Variants in KIAA0319 observed in about 807,000 individuals in gnomAD.
KIAA0319 encodes dyslexia-associated protein KIAA0319.
A neutral mutation model predicts 108.4 loss-of-function variants in KIAA0319; 83 were observed. The observed-to-expected ratio is 0.77, with a 90% CI of 0.64 to 0.92. The LOEUF is 0.92. Among genes scored for constraint, KIAA0319 ranks in the 40% least tolerant of loss-of-function variants. The probability of loss-of-function intolerance (pLI) is 0.00; values close to 1 mark genes in which losing one functional copy is unlikely to be tolerated. For synonymous variants in KIAA0319, 484 were observed against 510.4 expected (o/e 0.95, Z 0.70); for missense variants, 1,195 against 1,322.4 (o/e 0.90, Z 1.49).
chr6:24,564,094 G>C, intron 15 of KIAA0319, 108 bp downstream of exon 15: 1 of 1,400,910 alleles, frequency 7.1e-7, no homozygotes, highest in Non-Finnish European at 9.8e-7. Flanking sequence ...CCAAGAGCTG[G>C]AGCCAGCCAC....
chr6:24,577,929 A>C (rs1404534445), intron 9 of KIAA0319, among the ~76,000 whole-genome samples, 181 bp downstream of exon 9: 1 of 152,220 alleles, frequency 6.6e-6, no homozygotes, highest in East Asian at 1.9e-4. Flanking sequence ...CCAATAAATA[A>C]ATAAAGTTCC....
intron 1 of KIAA0319, among the ~76,000 whole-genome samples, chr6:24,606,419 G>A (rs529454457): frequency 4.6e-5 from 7 of 152,240 alleles, no homozygotes; most frequent in Admixed American, 2.0e-4. Flanking sequence ...GGTAAGGCTC[G>A]GGACTGGTGT....
chr6:24,588,312 G>C (rs952145544), intron 4 of KIAA0319, among the ~76,000 whole-genome samples: 4 of 152,134 alleles, frequency 2.6e-5, no homozygotes, highest in Non-Finnish European at 5.9e-5. Context: ...AGTGGATCAG[G>C]GTGCCCCTCT....
intron 5 of KIAA0319, chr6:24,583,206 G>C: frequency 5.1e-6 from 5 of 989,176 alleles, no homozygotes; most frequent in Non-Finnish European, 6.0e-6. Context: ...TGAGAGCCGT[G>C]ATTGTCAATG....
In KIAA0319 at chr6:24,596,093, G is replaced by A; in HGVS notation, c.581C>T (p.Ala194Val). 1 of 1,614,038 alleles carries A rather than the reference G, an allele frequency of 6.2e-7. No homozygotes were observed. The change falls in exon 3 of 21, where the codon GCC becomes GTC. Residue 194 changes from alanine to valine, a missense_variant. By Grantham distance (64) the Ala-to-Val change is moderately conservative. Transcript: ENST00000378214. Reference protein sequence around the residue: ...DWGLLPGSEGAFNSSVGDSPA... With the variant: ...DWGLLPGSEGVFNSSVGDSPA... Reference sequence around the variant, plus strand: ...ACTGTCTCCAACAGAGGAGTTGAAGGCCCCCTCGCTGCCCGGCAGTAGGCC... The same window carrying A: ...ACTGTCTCCAACAGAGGAGTTGAAGACCCCCTCGCTGCCCGGCAGTAGGCC...
At chr6:24,631,761 C>T (rs1372649094) in intron 1 of KIAA0319, among the ~76,000 whole-genome samples, 2 of 152,220 alleles carry the variant, frequency 1.3e-5, no homozygotes, top group East Asian at 1.9e-4. Context: ...TAAGTAGGTG[C>T]TTTGCCTTGT....
chr6:24,596,671 C>A (rs751973454), intron 2 of KIAA0319, 53 bp from the exon 3 acceptor site: 5 of 1,510,360 alleles, frequency 3.3e-6, no homozygotes, highest in Non-Finnish European at 4.4e-6. Context: ...CAGGGAAGCA[C>A]CTCCAGCTTA....
intron 3 of KIAA0319, among the ~76,000 whole-genome samples, chr6:24,592,952 A>G (rs1768747022): frequency 6.6e-6 from 1 of 152,056 alleles, no homozygotes; most frequent in Non-Finnish European, 1.5e-5. Flanking sequence ...AGCCTCGGTG[A>G]CAAAGTGAGA....
chr6:24,627,651 C>T (rs1000395584), intron 1 of KIAA0319, among the ~76,000 whole-genome samples: 1 of 152,160 alleles, frequency 6.6e-6, no homozygotes, highest in Admixed American at 6.5e-5. Context: ...GAAATGAACA[C>T]GATGTGTAGC....
intron 18 of KIAA0319, 39 bp from the exon 19 acceptor site, chr6:24,554,670 C>A: frequency 7.2e-7 from 1 of 1,381,876 alleles, no homozygotes; most frequent in Non-Finnish European, 1.0e-6. Context: ...TAGTTACAGG[C>A]TATTTGTAGA....
downstream of KIAA0319, among the ~76,000 whole-genome samples, chr6:24,541,711 T>A (rs189230554): frequency 1.8e-4 from 27 of 152,286 alleles, no homozygotes; most frequent in Admixed American, 1.6e-3. Context: ...GGCAGGAGAA[T>A]CGCTTGAACT....
At position 24,577,809 on chromosome 6, in the gene KIAA0319, T is replaced by A. The variant is rs2760158; in HGVS notation, c.1505+301A>T. Among the ~76,000 whole-genome samples the A allele has an allele frequency of 8.1e-3, 1,232 of 152,302 alleles. 17 individuals are homozygous for A. Among genetic ancestry groups the A allele is most frequent in the African/African-American group, 0.028 (1,164 of 41,568 alleles). ...CTTTTTGGGCCCGTTAGGAAATTTC[T>A]TCATGGGTTAGCAGCAGTAAGCTGC... On this transcript the variant is annotated intron_variant, in intron 9 of 20. Transcript: ENST00000378214.
chr6:24,568,823 C>T lies in KIAA0319; in HGVS notation c.2098G>A (p.Gly700Arg). Residue 700 changes from glycine to arginine, a missense_variant, in exon 13 of 21, where the codon GGA (glycine) becomes AGA (arginine). Coordinates refer to ENST00000378214, the MANE Select transcript of KIAA0319 (RefSeq NM_014809.4). The part of the protein sequence containing the change: ...HFRLTVKDQQ[G>R]LSSTSTLTVA... The stretch of plus-strand genomic sequence containing the variant: ...GTGAGGGTGGACGTGCTGCTCAGTC[C>T]CTGCTGGTCTTTCACTGTCAAACGG... 1.2e-6 allele frequency: 2 copies of T among 1,614,182 alleles called. No homozygotes were observed. Among genetic ancestry groups the T allele is most frequent in the Non-Finnish European group, 1.7e-6 (2 of 1,180,018 alleles).
At chr6:24,567,368 G>C (rs1053040940) in intron 13 of KIAA0319, among the ~76,000 whole-genome samples, 1 of 152,040 alleles carries the variant, frequency 6.6e-6, no homozygotes, top group South Asian at 2.1e-4. Flanking sequence ...TAATAACAAT[G>C]ATAATTAGGC....
At chr6:24,618,602 C>T (rs1175834569) in intron 1 of KIAA0319, among the ~76,000 whole-genome samples, 1 of 151,974 alleles carries the variant, frequency 6.6e-6, no homozygotes, top group Non-Finnish European at 1.5e-5. Flanking sequence ...AAGACCCTGT[C>T]TCAAAAGAAC....
Position 24,579,948 on chromosome 6 carries a change from T to C in KIAA0319, c.1282A>G (p.Arg428Gly). 6.3e-7 allele frequency: 1 copy of C among 1,583,258 alleles called. No homozygotes were observed. The highest frequency in any genetic ancestry group is 8.6e-7 in the Non-Finnish European group (1 of 1,164,984). Residue 428 changes from arginine to glycine, a missense_variant and splice_region_variant, in exon 8 of 21, where the codon AGA (arginine) becomes GGA (glycine). Transcript: ENST00000378214. Reference protein sequence around the residue: ...GFVNVTVKPARRVNLPPVAVV... With the variant: ...GFVNVTVKPAGRVNLPPVAVV... The stretch of plus-strand genomic sequence containing the variant: ...GCTACAGGTGGCAGGTTGACTCTTC[T>C]GGCTGTAACAAAAAAAAGGACAGTG...
chr6:24,541,409 A>G (rs1760187586), downstream of KIAA0319, among the ~76,000 whole-genome samples: 1 of 152,100 alleles, frequency 6.6e-6, no homozygotes, highest in African/African-American at 2.4e-5. Flanking sequence ...ACTCATTTTA[A>G]CTTAATTAAT....
chr6:24,642,339 T>C (rs947350408), intron 1 of KIAA0319, among the ~76,000 whole-genome samples: 4 of 151,974 alleles, frequency 2.6e-5, no homozygotes, highest in African/African-American at 9.7e-5. Context: ...TGAAAAAATT[T>C]TGAAGGTAAC....
At chr6:24,600,944 G>GA in intron 2 of KIAA0319, 105 bp downstream of exon 2, 1 of 1,458,382 alleles carries the variant, frequency 6.9e-7, no homozygotes, top group Non-Finnish European at 9.6e-7. Flanking sequence ...TAATTCTATT[G>GA]AAAAGCAAAC....
Sources: gnomAD v4.1 joint callset for allele counts (sites outside exome capture counted in the v4.1 genomes callset) on GRCh38, gnomAD v4.1.1 for gene constraint, MANE v1.5 for transcripts, NCBI Gene and HGNC (gene_info 2026-07-23, HGNC 2026-07-21) for gene names.